SPRR2G: variants seen among roughly 807,000 people sequenced by gnomAD.
SPRR2G encodes the protein small proline rich protein 2G, also known as small proline-rich protein 2G.
SPRR2G carries 1 observed loss-of-function variant against 0.7 expected under a neutral mutation model. That is an observed-to-expected ratio of 1.49 (90% confidence interval 0.53 to 7.06). The LOEUF (loss-of-function observed/expected upper bound fraction) is 7.06. Ranked by LOEUF, SPRR2G falls within the 30% of genes most tolerant of loss-of-function variation. The probability of loss-of-function intolerance (pLI) is 0.14; values close to 1 mark genes in which losing one functional copy is unlikely to be tolerated. For synonymous variants in SPRR2G, 38 were observed against 33.9 expected, an observed-to-expected ratio of 1.12 and a Z score of -0.42; for missense variants, 96 against 88.5, an observed-to-expected ratio of 1.09 and a Z score of -0.34.
the SPRR2G span, among the ~76,000 whole-genome samples, chr1:153,181,292 T>C: frequency 4.7e-4 from 71 of 152,300 alleles, no homozygotes; most frequent in South Asian, 1.4e-3. Context: ...GGGTACATAA[T>C]ATACATATTT....
chr1:153,172,224 C>G, the SPRR2G span, among the ~76,000 whole-genome samples: 3 of 152,200 alleles, frequency 2.0e-5, no homozygotes, highest in African/African-American at 7.2e-5. Context: ...TTATAACTCT[C>G]ATGCTCAGAA....
chr1:153,165,550 A>T, the SPRR2G span, among the ~76,000 whole-genome samples: 1 of 152,190 alleles, frequency 6.6e-6, no homozygotes, highest in Non-Finnish European at 1.5e-5. Flanking sequence ...TCTAACACAA[A>T]ACTGCAAGAG....
chr1:153,201,422 C>A, the SPRR2G span, among the ~76,000 whole-genome samples: 1 of 152,210 alleles, frequency 6.6e-6, no homozygotes, highest in Non-Finnish European at 1.5e-5. Context: ...GAAATCACTA[C>A]ATTTTTTACA....
the SPRR2G span, among the ~76,000 whole-genome samples, chr1:153,172,559 C>G: frequency 6.6e-6 from 1 of 152,100 alleles, no homozygotes; most frequent in Non-Finnish European, 1.5e-5. Flanking sequence ...CCAGGCTACC[C>G]TTCCTCAGGA....
upstream of SPRR2G, among the ~76,000 whole-genome samples, chr1:153,155,264 G>A (rs150539381): frequency 2.0e-5 from 3 of 152,038 alleles, no homozygotes; most frequent in African/African-American, 7.2e-5. Context: ...ATATCCTCAA[G>A]TACCAACAAG....
chr1:153,149,802 A>T lies in SPRR2G; in HGVS notation c.*87T>A. 1 of 1,498,878 alleles carries T rather than the reference A, an allele frequency of 6.7e-7. No homozygotes were observed. Among genetic ancestry groups the T allele is most frequent in the Non-Finnish European group, 9.2e-7 (1 of 1,082,102 alleles). 92.8% of individuals were successfully genotyped at this position (1,498,878 alleles called of 1,614,324 possible). The stretch of plus-strand genomic sequence containing the variant: ...GTTAGGGAAGATGCAGCCTCCCACT[A>T]CAGCTGAAGGGAAGATGATGGAGTC... On this transcript the variant is annotated 3_prime_UTR_variant, in exon 2 of 2. Transcript: ENST00000368748.
At chr1:153,178,085 T>C in the SPRR2G span, among the ~76,000 whole-genome samples, 16 of 152,258 alleles carry the variant, frequency 1.1e-4, no homozygotes, top group African/African-American at 3.6e-4. Flanking sequence ...CATTTTATCT[T>C]TTATGCTGTC....
At chr1:153,190,272 T>C in the SPRR2G span, 23 of 152,430 alleles carry the variant, frequency 1.5e-4, no homozygotes, top group Non-Finnish European at 4.4e-5. Context: ...AAAGCAGAAA[T>C]GACCCTCAGA....
upstream of SPRR2G, among the ~76,000 whole-genome samples, chr1:153,151,122 C>T (rs562645075): frequency 6.6e-6 from 1 of 152,336 alleles, no homozygotes; most frequent in South Asian, 2.1e-4. Flanking sequence ...TAGAACGTGA[C>T]AAATTGTCTG....
At position 153,149,989 on chromosome 1, in the gene SPRR2G, C is replaced by T. The variant is rs145673005; in HGVS notation, c.122G>A (p.Cys41Tyr). The change falls in exon 2 of 2, where the codon TGT becomes TAT. Residue 41 changes from cysteine (C) to tyrosine (Y), a missense_variant. Physicochemically the swap from Cys to Tyr is radical, Grantham distance 194. Coordinates refer to ENST00000368748, the MANE Select transcript of SPRR2G (RefSeq NM_001014291.4). ...KCPEPYLPPP[C>Y]PPEHCPPPPC... ...TGGAGGTGGGCAATGCTCAGGTGGA[C>T]AAGGAGGAGGCAGGTAAGGCTCAGG... 1.9e-6 allele frequency: 3 copies of T among 1,613,942 alleles called. No homozygotes were observed. The highest frequency in any genetic ancestry group is 2.5e-6 in the Non-Finnish European group (3 of 1,179,972).
the SPRR2G span, among the ~76,000 whole-genome samples, chr1:153,201,434 T>C: frequency 6.6e-6 from 1 of 152,204 alleles, no homozygotes; most frequent in African/African-American, 2.4e-5. Context: ...TTTTTTACAT[T>C]GCTGTCACAA....
At chr1:153,183,658 A>G in the SPRR2G span, among the ~76,000 whole-genome samples, 1 of 152,026 alleles carries the variant, frequency 6.6e-6, no homozygotes, top group Non-Finnish European at 1.5e-5. Context: ...ATTTTCTCCC[A>G]TTCTGCAGGT....
At chr1:153,190,913 C>T in the SPRR2G span, 7 of 152,016 alleles carry the variant, frequency 4.6e-5, no homozygotes, top group Non-Finnish European at 7.4e-5. Flanking sequence ...ATATGTATCC[C>T]TGACTGGTCA....
At chr1:153,192,713 G>T in the SPRR2G span, among the ~76,000 whole-genome samples, 1 of 152,150 alleles carries the variant, frequency 6.6e-6, no homozygotes, top group East Asian at 1.9e-4. Flanking sequence ...TTTTTCTCAA[G>T]CTCTTTGCAT....
chr1:153,171,209 G>A, the SPRR2G span, among the ~76,000 whole-genome samples: 37 of 152,234 alleles, frequency 2.4e-4, no homozygotes, highest in East Asian at 6.8e-3. Flanking sequence ...CTCTGAATAT[G>A]AGCAGGTAAA....
the SPRR2G span, among the ~76,000 whole-genome samples, chr1:153,157,704 A>C: frequency 6.6e-6 from 1 of 152,070 alleles, no homozygotes; most frequent in Non-Finnish European, 1.5e-5. Context: ...AGAATGCTTA[A>C]TGTGAAATCT....
chr1:153,181,484 A>T, the SPRR2G span, among the ~76,000 whole-genome samples: 3 of 152,270 alleles, frequency 2.0e-5, no homozygotes, highest in African/African-American at 7.2e-5. Context: ...GCTCACTCTA[A>T]TATCAGTCAT....
the SPRR2G span, among the ~76,000 whole-genome samples, chr1:153,185,663 A>G: frequency 6.6e-6 from 1 of 152,136 alleles, no homozygotes; most frequent in Non-Finnish European, 1.5e-5. Flanking sequence ...TTTTCAAAAA[A>G]CCAGCTCCTG....
chr1:153,160,915 A>G, the SPRR2G span, among the ~76,000 whole-genome samples: 4 of 151,622 alleles, frequency 2.6e-5, no homozygotes, highest in African/African-American at 9.8e-5. Context: ...GCAGCCATAA[A>G]AAATGATGAG....
Sources: allele counts gnomAD v4.1 joint callset (sites outside exome capture counted in the v4.1 genomes callset), GRCh38; gene constraint gnomAD v4.1.1; transcripts MANE v1.5; gene names NCBI Gene and HGNC (gene_info 2026-07-23, HGNC 2026-07-21).